The following MEI4 variants were observed in gnomAD, a reference collection of about 807,000 sequenced individuals.
The protein encoded by MEI4 is meiosis-specific protein MEI4.
Under a neutral mutation model 31.4 loss-of-function variants are expected in MEI4, and 27 were observed. That is an observed-to-expected ratio of 0.86 (90% CI 0.63 to 1.19). MEI4 has a LOEUF of 1.19. MEI4 is among the 50% of genes most tolerant of loss of function. MEI4 has a pLI of 0.00. For synonymous variants in MEI4, 122 were observed against 145.4 expected (o/e 0.84, Z 1.16); for missense variants, 329 against 398.9 (o/e 0.82, Z 1.49).
At chr6:77,918,918 C>T (rs890052115) in intron 4 of MEI4, among the ~76,000 whole-genome samples, 4 of 151,972 alleles carry the variant, frequency 2.6e-5, no homozygotes, top group Admixed American at 6.6e-5. Context: ...TCATAGATAG[C>T]ACTTATTATT....
chr6:77,730,436 A>G (rs1276270803), intron 2 of MEI4, among the ~76,000 whole-genome samples: 1 of 152,046 alleles, frequency 6.6e-6, no homozygotes, highest in Non-Finnish European at 1.5e-5. Context: ...AATTAGGACT[A>G]TGTTTTCACT....
At chr6:77,879,357 G>A (rs1177738190) in intron 4 of MEI4, among the ~76,000 whole-genome samples, 2 of 152,090 alleles carry the variant, frequency 1.3e-5, no homozygotes, top group Non-Finnish European at 2.9e-5. Flanking sequence ...GAATTCTCTT[G>A]TATTATATAT....
At chr6:77,806,589 A>G (rs1044880706) in intron 3 of MEI4, among the ~76,000 whole-genome samples, 2 of 152,178 alleles carry the variant, frequency 1.3e-5, no homozygotes, top group African/African-American at 4.8e-5. Context: ...TATTGAACCA[A>G]TGATTTATCA....
intron 2 of MEI4, among the ~76,000 whole-genome samples, chr6:77,755,474 A>G (rs2127679994): frequency 6.6e-6 from 1 of 152,012 alleles, no homozygotes; most frequent in Non-Finnish European, 1.5e-5. Flanking sequence ...GCTGGAGTGC[A>G]GTGGCACGAT....
At chr6:77,806,165 G>A (rs1269394272) in intron 3 of MEI4, among the ~76,000 whole-genome samples, 3 of 152,108 alleles carry the variant, frequency 2.0e-5, no homozygotes, top group African/African-American at 7.2e-5. Flanking sequence ...TAGATAACAT[G>A]CTGTTAATTT....
At chr6:77,834,822 G>A (rs976809347) in intron 4 of MEI4, among the ~76,000 whole-genome samples, 1 of 151,992 alleles carries the variant, frequency 6.6e-6, no homozygotes, top group African/African-American at 2.4e-5. Context: ...CCTTTCCCCC[G>A]CTCTCCCAAA....
chr6:77,853,495 C>CTT (rs1021439309), intron 4 of MEI4, among the ~76,000 whole-genome samples: 1 of 152,156 alleles, frequency 6.6e-6, no homozygotes, highest in African/African-American at 2.4e-5. Context: ...ATATCTTTAA[C>CTT]TCTCAGTTCT....
chr6:77,744,892 T>C (rs2127674584), intron 2 of MEI4, among the ~76,000 whole-genome samples: 1 of 152,186 alleles, frequency 6.6e-6, no homozygotes, highest in Admixed American at 6.5e-5. Flanking sequence ...GAAGGAGAAA[T>C]AAAATGCTTT....
intron 1 of MEI4, among the ~76,000 whole-genome samples, chr6:77,661,822 G>A (rs989999991): frequency 5.9e-5 from 9 of 152,226 alleles, no homozygotes; most frequent in Middle Eastern, 3.4e-3. Context: ...CAGAGGGGGA[G>A]TAGGTGGGAG....
At chr6:77,845,950 A>G (rs767698290) in intron 4 of MEI4, among the ~76,000 whole-genome samples, 1 of 150,878 alleles carries the variant, frequency 6.6e-6, no homozygotes, top group Non-Finnish European at 1.5e-5. Flanking sequence ...AAGACCAGTC[A>G]TTGTGGGGTT....
intron 1 of MEI4, among the ~76,000 whole-genome samples, chr6:77,668,277 T>A (rs1480980790): frequency 6.6e-6 from 1 of 152,154 alleles, no homozygotes; most frequent in Non-Finnish European, 1.5e-5. Context: ...TTTGGGAAAG[T>A]GAACATTATA....
At chr6:77,790,523 G>T (rs1768892428) in intron 3 of MEI4, among the ~76,000 whole-genome samples, 1 of 150,442 alleles carries the variant, frequency 6.6e-6, no homozygotes, top group Non-Finnish European at 1.5e-5. Context: ...ATATACTTAT[G>T]TAGCAAACCT....
At chr6:77,802,447 A>T (rs544210893) in intron 3 of MEI4, among the ~76,000 whole-genome samples, 2 of 152,290 alleles carry the variant, frequency 1.3e-5, no homozygotes, top group South Asian at 2.1e-4. Flanking sequence ...GTGTCTTTTA[A>T]TTGGAGCATT....
At chr6:77,802,598 G>T (rs913988759) in intron 3 of MEI4, among the ~76,000 whole-genome samples, 11 of 152,164 alleles carry the variant, frequency 7.2e-5, no homozygotes, top group Non-Finnish European at 1.3e-4. Flanking sequence ...TGTTTTTGCA[G>T]TGGCTGGCAC....
chr6:77,740,246 C>T (rs1332919569), intron 2 of MEI4, among the ~76,000 whole-genome samples: 1 of 152,030 alleles, frequency 6.6e-6, no homozygotes, highest in Non-Finnish European at 1.5e-5. Flanking sequence ...AGAGTATGTG[C>T]CATGTGGTGG....
intron 4 of MEI4, among the ~76,000 whole-genome samples, chr6:77,853,620 A>C (rs7742790): frequency 3.1e-4 from 47 of 152,328 alleles, no homozygotes; most frequent in African/African-American, 1.1e-3. Flanking sequence ...CTTGTGGTAG[A>C]CCAAGATCTG....
At chr6:77,742,632 C>T (rs963164899) in intron 2 of MEI4, among the ~76,000 whole-genome samples, 4 of 152,132 alleles carry the variant, frequency 2.6e-5, no homozygotes, top group South Asian at 4.1e-4. Context: ...TAGTTAGATC[C>T]CATTTGTCAA....
At chr6:77,910,433 A>G (rs987627497) in intron 4 of MEI4, among the ~76,000 whole-genome samples, 4 of 152,208 alleles carry the variant, frequency 2.6e-5, no homozygotes, top group African/African-American at 9.6e-5. Context: ...GAGCCAAATC[A>G]TGAGTGAACT....
At chr6:77,859,783 C>A (rs1770826385) in intron 4 of MEI4, among the ~76,000 whole-genome samples, 1 of 152,144 alleles carries the variant, frequency 6.6e-6, no homozygotes, top group East Asian at 1.9e-4. Flanking sequence ...CTCACAAATG[C>A]ATTTGAAATG....
Sources: gnomAD v4.1 joint callset for allele counts (sites outside exome capture counted in the v4.1 genomes callset) on GRCh38, gnomAD v4.1.1 for gene constraint, MANE v1.5 for transcripts, NCBI Gene and HGNC (gene_info 2026-07-23, HGNC 2026-07-21) for gene names.